Variants in KLHDC10 observed in about 807,000 individuals in gnomAD.
The protein encoded by KLHDC10 is kelch domain-containing protein 10.
In KLHDC10, 24 loss-of-function variants were observed where a neutral mutation model predicts 56.1. That is an observed-to-expected ratio of 0.43 (90% CI 0.31 to 0.60). KLHDC10 has a LOEUF of 0.60. KLHDC10 is among the 20% of genes least tolerant of loss of function. KLHDC10 has a pLI of 0.11. For missense variants in KLHDC10, 349 were observed against 567.0 expected (o/e 0.62, Z 3.91); for synonymous variants, 188 against 207.1 (o/e 0.91, Z 0.79).
chr7:130,090,805 T>C (rs144805904), intron 1 of KLHDC10, among the ~76,000 whole-genome samples: 1 of 148,970 alleles, frequency 6.7e-6, no homozygotes, highest in East Asian at 2.0e-4. Flanking sequence ...TATCATATTC[T>C]GTACAATTTT....
At chr7:130,128,889 A>AAAAAAAAAAAAATATATATAT in intron 8 of KLHDC10, among the ~76,000 whole-genome samples, 4 of 66,954 alleles carry the variant, frequency 6.0e-5, no homozygotes, top group Non-Finnish European at 1.1e-4. Flanking sequence ...AAAAAAAAAA[A>AAAAAAAAAAAAATATATATAT]ATATATATAT....
chr7:130,072,318 C>A (rs1795427164), intron 1 of KLHDC10, among the ~76,000 whole-genome samples: 1 of 152,174 alleles, frequency 6.6e-6, no homozygotes, highest in African/African-American at 2.4e-5. Context: ...GGTGCACTTC[C>A]TCACTTCAAC....
chr7:130,079,202 T>C (rs1795563701), intron 1 of KLHDC10, among the ~76,000 whole-genome samples: 1 of 151,596 alleles, frequency 6.6e-6, no homozygotes, highest in African/African-American at 2.4e-5. Flanking sequence ...GGATTACAGG[T>C]GCCCGCCACA....
rs76821334 is a variant in KLHDC10 at position 130,121,999 on chromosome 7, A to G, written c.631-55A>G. 678 of 1,529,450 alleles carry G rather than the reference A, an allele frequency of 4.4e-4. 7 individuals are homozygous for G. The East Asian group carries it at 0.013, about 30-fold the overall frequency. The allele number at this position is 1,529,450 out of a possible 1,614,324, so 94.7% of individuals were successfully genotyped here. On this transcript the variant is annotated intron_variant, in intron 4 of 9. Coordinates refer to ENST00000335420, the MANE Select transcript of KLHDC10 (RefSeq NM_014997.4). ...ATTTGGAGGTATCTGGTAAGTTTAC[A>G]TTCTTTAATCAAGTGTTAACAAGTC...
intron 1 of KLHDC10, among the ~76,000 whole-genome samples, chr7:130,074,210 A>C (rs1198355915): frequency 6.6e-6 from 1 of 152,152 alleles, no homozygotes; most frequent in Non-Finnish European, 1.5e-5. Context: ...CTTTTCCGTC[A>C]TCCAAGAACC....
intron 1 of KLHDC10, among the ~76,000 whole-genome samples, chr7:130,079,988 T>C (rs1795580841): frequency 6.7e-6 from 1 of 149,764 alleles, no homozygotes; most frequent in Non-Finnish European, 1.5e-5. Flanking sequence ...GTCGCCCAGG[T>C]TGGAGTGCAG....
At chr7:130,074,858 C>G (rs966568934) in intron 1 of KLHDC10, among the ~76,000 whole-genome samples, 3 of 152,124 alleles carry the variant, frequency 2.0e-5, no homozygotes, top group Non-Finnish European at 4.4e-5. Flanking sequence ...ATCCACCCAC[C>G]TTGGCCTCCT....
chr7:130,121,941 A>G, intron 4 of KLHDC10, 113 bp from the exon 5 acceptor site: 5 of 872,940 alleles, frequency 5.7e-6, no homozygotes, highest in Non-Finnish European at 8.5e-6. Context: ...ATACATTAAA[A>G]GATTAAAATA....
chr7:130,126,726 A>G (rs78442029), intron 7 of KLHDC10, among the ~76,000 whole-genome samples: 6,319 of 152,240 alleles, frequency 0.042, 427 homozygotes, highest in African/African-American at 0.14. Flanking sequence ...AAAACACAGT[A>G]ATTCTCCTTA....
In KLHDC10 at chr7:130,134,980, A is replaced by G. The variant is rs1796449623; in HGVS notation, c.*4234A>G. ...ATGGCCTTTCCCTTCTAAGGTCATT[A>G]GATTCAGCCAAAAGCGACCTCTTCT... is the stretch of plus-strand genomic sequence containing the variant. On this transcript the variant is annotated 3_prime_UTR_variant, in exon 10 of 10. Coordinates refer to ENST00000335420, the MANE Select transcript of KLHDC10 (RefSeq NM_014997.4). 4 of 151,768 alleles carry G rather than the reference A, an allele frequency of 2.6e-5. No individual in the cohort carries two copies. The South Asian group carries it at 8.4e-4, about 32-fold the overall frequency. The allele number at this position is 151,768 out of a possible 1,614,324, so 9.4% of individuals were successfully genotyped here.
intron 3 of KLHDC10, among the ~76,000 whole-genome samples, chr7:130,117,229 T>C (rs1796180414): frequency 6.6e-6 from 1 of 152,232 alleles, no homozygotes; most frequent in Non-Finnish European, 1.5e-5. Flanking sequence ...GTAATCTTTT[T>C]TGCTGGTGGA....
At chr7:130,113,524 G>C (rs1337761378) in intron 2 of KLHDC10, among the ~76,000 whole-genome samples, 1 of 152,016 alleles carries the variant, frequency 6.6e-6, no homozygotes, top group Non-Finnish European at 1.5e-5. Flanking sequence ...GTAGAGACGG[G>C]GTTTCACCAT....
chr7:130,124,607 T>A (rs1249101093), intron 6 of KLHDC10, 72 bp downstream of exon 6: 1 of 773,622 alleles, frequency 1.3e-6, no homozygotes, highest in East Asian at 2.5e-5. Flanking sequence ...CCAAGCAAGA[T>A]AATTCTGTTA....
intron 7 of KLHDC10, among the ~76,000 whole-genome samples, chr7:130,126,719 A>C (rs528260087): frequency 1.3e-5 from 2 of 152,294 alleles, no homozygotes; most frequent in East Asian, 3.9e-4. Context: ...TAACAAAAAA[A>C]CACAGTAATT....
At position 130,098,812 on chromosome 7, in the gene KLHDC10, T is replaced by TAC. The variant is rs1795889431; in HGVS notation, c.253+1806_253+1807insCA. On this transcript the variant is annotated intron_variant, in intron 2 of 9. Coordinates refer to ENST00000335420, the MANE Select transcript of KLHDC10 (RefSeq NM_014997.4). ...ATAGTGACATAACAGGTTGTATCTG[T>TAC]ATGATGGGGATTTTATTTTCTTTTG... Among the ~76,000 whole-genome samples the TAC allele has an allele frequency of 4.6e-5, 7 of 152,288 alleles. No individual in the cohort carries two copies. In the East Asian group the frequency reaches 9.6e-4, roughly 21 times the overall value.
At chr7:130,098,776 A>G (rs1200905148) in intron 2 of KLHDC10, among the ~76,000 whole-genome samples, 2 of 152,228 alleles carry the variant, frequency 1.3e-5, no homozygotes, top group Non-Finnish European at 2.9e-5. Context: ...ACACATAAAC[A>G]TAAAAAACAA....
rs1292651924 is a variant in KLHDC10, at chr7:130,128,919, T to TATATATATATATATACACAC, written c.980-517_980-516insTATATATATATATACACACA. On this transcript the variant is annotated intron_variant, in intron 8 of 9. Transcript: ENST00000335420. ...ATATATATATATATATATATATATA[T>TATATATATATATATACACAC]ACATACTAGCCAAAACTTAAAAATC... is the stretch of plus-strand genomic sequence containing the variant. 2.1e-4 allele frequency among the ~76,000 whole-genome samples: 24 copies of TATATATATATATATACACAC among 115,690 alleles called. 2 individuals carry two copies. Among genetic ancestry groups the TATATATATATATATACACAC allele is most frequent in the African/African-American group, 8.4e-4 (24 of 28,540 alleles). The allele number at this position is 115,690 out of a possible 152,430, so 75.9% of individuals were successfully genotyped here.
chr7:130,130,161 CAAA>C lies in KLHDC10; in HGVS notation c.1120-369_1120-367del, dbSNP rs1047182450. ...TGAAACCCCATCTCTACTAAAAATACAAAAAAAAATTAGCCGGACGTGGTGGCG... is the reference window on the plus strand; with the variant it reads ...TGAAACCCCATCTCTACTAAAAATACAAAAAATTAGCCGGACGTGGTGGCG... On this transcript the variant is annotated intron_variant, in intron 9 of 9. Coordinates refer to ENST00000335420, the MANE Select transcript of KLHDC10 (RefSeq NM_014997.4). This position sits in a 1 kb window ranked among gnomAD's most constrained non-coding sequence, Gnocchi z 4.2. Among the ~76,000 whole-genome samples, 4 of 150,402 alleles carry C rather than the reference CAAA, an allele frequency of 2.7e-5. No homozygotes were observed. The highest frequency in any genetic ancestry group is 9.7e-5 in the African/African-American group (4 of 41,058).
At chr7:130,107,029 G>A (rs562509946) in intron 2 of KLHDC10, among the ~76,000 whole-genome samples, 1 of 152,254 alleles carries the variant, frequency 6.6e-6, no homozygotes, top group African/African-American at 2.4e-5. Flanking sequence ...ACATTCTTAC[G>A]CATCCAGGGA....
Sources: allele counts gnomAD v4.1 joint callset (sites outside exome capture counted in the v4.1 genomes callset), GRCh38; gene constraint gnomAD v4.1.1; non-coding constraint Gnocchi (gnomAD v3.1); transcripts MANE v1.5; gene names NCBI Gene and HGNC (gene_info 2026-07-23, HGNC 2026-07-21).